The following HOOK3 variants were observed in gnomAD, a reference collection of about 807,000 sequenced individuals.
The protein encoded by HOOK3 is hook microtubule tethering protein 3.
Under a neutral mutation model 116.3 loss-of-function variants are expected in HOOK3, and 24 were observed. The observed-to-expected ratio is 0.21, with a 90% CI of 0.15 to 0.29. HOOK3 has a LOEUF of 0.29. HOOK3 is among the 10% of genes least tolerant of loss of function. The pLI is 1.00. For synonymous variants in HOOK3, 275 were observed against 283.0 expected (o/e 0.97, Z 0.28); for missense variants, 632 against 830.2 (o/e 0.76, Z 2.93).
At chr8:42,957,239 T>C (rs1808453449) in intron 7 of HOOK3, 83 bp downstream of exon 7, 1 of 688,716 alleles carries the variant, frequency 1.5e-6, no homozygotes, top group Admixed American at 3.1e-5. Flanking sequence ...TGGGTTAAAA[T>C]TGCTTTTTAT....
At chr8:42,992,524 T>A (rs1180774556) in intron 15 of HOOK3, among the ~76,000 whole-genome samples, 1 of 151,236 alleles carries the variant, frequency 6.6e-6, no homozygotes, top group Admixed American at 6.6e-5. Flanking sequence ...GAGACCATCC[T>A]GGCCAACATG....
chr8:42,909,294 A>G (rs1807376699), intron 2 of HOOK3, among the ~76,000 whole-genome samples: 1 of 152,244 alleles, frequency 6.6e-6, no homozygotes. Context: ...ACTTTTGTGT[A>G]TATAGCCAAA....
chr8:42,979,631 C>T (rs1032339290), intron 13 of HOOK3, among the ~76,000 whole-genome samples: 10 of 152,150 alleles, frequency 6.6e-5, no homozygotes, highest in African/African-American at 9.7e-5. Flanking sequence ...CTAGCCCTCT[C>T]TCTGTTTTCT....
At chr8:42,981,084 C>G (rs902516508) in intron 13 of HOOK3, among the ~76,000 whole-genome samples, 15 of 149,038 alleles carry the variant, frequency 1.0e-4, no homozygotes, top group Non-Finnish European at 1.9e-4. Flanking sequence ...TGAGGTCTCA[C>G]TCCTTTACCC....
chr8:43,010,445 A>T, intron 19 of HOOK3, 40 bp downstream of exon 19: 1 of 697,346 alleles, frequency 1.4e-6, no homozygotes, highest in East Asian at 3.7e-5. Context: ...CTACCTTCTG[A>T]TCACATTTCA....
At chr8:42,959,166 G>T in intron 7 of HOOK3, 65 bp from the exon 8 acceptor site, 1 of 1,055,478 alleles carries the variant, frequency 9.5e-7, no homozygotes, top group South Asian at 1.3e-5. Flanking sequence ...ATTCTGTGTT[G>T]AACATACGAA....
chr8:42,937,880 A>G (rs1399042442), intron 4 of HOOK3, among the ~76,000 whole-genome samples: 2 of 152,188 alleles, frequency 1.3e-5, no homozygotes, highest in African/African-American at 4.8e-5. Flanking sequence ...TTTGGGGTGG[A>G]GAGTTCTGTA....
intron 4 of HOOK3, among the ~76,000 whole-genome samples, chr8:42,942,331 T>C (rs78941035): frequency 0.016 from 2,499 of 152,292 alleles, 31 homozygotes; most frequent in Non-Finnish European, 0.022. Flanking sequence ...GTAGAATAAA[T>C]GTGCATTCAG....
In HOOK3 at chr8:42,917,337, A is replaced by C. The variant is rs551101829; in HGVS notation, c.144-8220A>C. ...TTATTTGGGATCTCATTACATAGGCATGATTGAAGTCATTGGTCATGTGAT... is the reference window on the plus strand; with the variant it reads ...TTATTTGGGATCTCATTACATAGGCCTGATTGAAGTCATTGGTCATGTGAT... On this transcript the variant is annotated intron_variant, in intron 2 of 21. Transcript: ENST00000307602. Among the ~76,000 whole-genome samples, 51 of 152,288 alleles carry C rather than the reference A, an allele frequency of 3.3e-4. No homozygotes were observed. The South Asian group carries it at 4.3e-3, about 13-fold the overall frequency.
Position 43,029,981 on chromosome 8 carries a change from G to C in HOOK3, c.*11483G>C, listed in dbSNP as rs1190404002. On this transcript the variant is annotated 3_prime_UTR_variant, in exon 22 of 22. Coordinates refer to ENST00000307602, the MANE Select transcript of HOOK3 (RefSeq NM_032410.4). The stretch of plus-strand genomic sequence containing the variant: ...GCTAGGTATATTCTTATTTCTGATT[G>C]AGTATTGAATTTACATTTTTCAGAA... 4.7e-6 allele frequency: 1 copy of C among 213,848 alleles called. No homozygotes were observed. Among genetic ancestry groups the C allele is most frequent in the African/African-American group, 2.3e-5 (1 of 44,246 alleles). 13.2% of individuals were successfully genotyped at this position (213,848 alleles called of 1,614,324 possible). A position where few individuals can be genotyped will look rare whatever the true frequency, so the allele number is the denominator to read the frequency against.
intron 4 of HOOK3, among the ~76,000 whole-genome samples, chr8:42,941,391 G>A (rs947427244): frequency 6.0e-5 from 9 of 150,900 alleles, no homozygotes; most frequent in Admixed American, 3.3e-4. Context: ...GGTGGTGGGC[G>A]CTTGTAGTCC....
chr8:42,971,273 T>C (rs531761635), intron 11 of HOOK3, among the ~76,000 whole-genome samples: 29 of 152,140 alleles, frequency 1.9e-4, no homozygotes, highest in Non-Finnish European at 3.2e-4. Flanking sequence ...TTGTTTTTGT[T>C]TTCTGGAGAC....
chr8:42,943,076 G>GTTTCGTTTTTTTCTT (rs562971317), intron 4 of HOOK3, among the ~76,000 whole-genome samples: 2 of 151,934 alleles, frequency 1.3e-5, no homozygotes, highest in African/African-American at 4.8e-5. Context: ...TTTTTTGTTT[G>GTTTCGTTTTTTTCTT]TTTTGTTTTT....
intron 8 of HOOK3, among the ~76,000 whole-genome samples, chr8:42,963,784 C>T (rs2130420081): frequency 6.6e-6 from 1 of 152,266 alleles, no homozygotes; most frequent in East Asian, 1.9e-4. Context: ...ATCTCTATAT[C>T]TTGTCTGGTG....
rs761993916 is a variant in HOOK3 at position 43,018,381 on chromosome 8, A to G, written c.2040A>G (p.Ala680=). 6.2e-7 allele frequency: 1 copy of G among 1,602,410 alleles called. No homozygotes were observed. The highest frequency in any genetic ancestry group is 1.8e-5 in the Admixed American group (1 of 56,042). Residue 680 remains alanine (A), a synonymous_variant, in exon 22 of 22, where the codon GCA becomes GCG. Transcript: ENST00000307602. ...AGGGAATGACCCTGCATAAAAAGGC[A>G]GCTGAAGATAGACTGGCAAGCACAG... ...YNMGMTLHKK[A]AEDRLASTGS...
rs1809942098 is a variant in HOOK3, at chr8:43,026,899, A to C, written c.*8401A>C. On this transcript the variant is annotated 3_prime_UTR_variant, in exon 22 of 22. Coordinates refer to ENST00000307602, the MANE Select transcript of HOOK3 (RefSeq NM_032410.4). Reference sequence around the variant, plus strand: ...TTCTTTTTTCTTTTTTTTTCTTTTGAGATGGAGTCTCACTCTGAGTCTCAC... The same window carrying C: ...TTCTTTTTTCTTTTTTTTTCTTTTGCGATGGAGTCTCACTCTGAGTCTCAC... 1 of 190,194 alleles carries C rather than the reference A, an allele frequency of 5.3e-6. No homozygotes were observed. The highest frequency in any genetic ancestry group is 1.1e-5 in the Non-Finnish European group (1 of 91,102). The allele number at this position is 190,194 out of a possible 1,614,324, so 11.8% of individuals were successfully genotyped here.
chr8:42,926,291 G>GT (rs1162979495), intron 3 of HOOK3, among the ~76,000 whole-genome samples: 5 of 151,940 alleles, frequency 3.3e-5, no homozygotes, highest in African/African-American at 9.7e-5. Context: ...TTTATGTTTT[G>GT]TTTTTTGTTT....
chr8:43,009,192 C>T (rs1201914803), intron 18 of HOOK3, among the ~76,000 whole-genome samples: 5 of 151,800 alleles, frequency 3.3e-5, no homozygotes, highest in Non-Finnish European at 7.4e-5. Flanking sequence ...ATTGCCTGAG[C>T]TCAGGAGTTT....
chr8:42,897,558 C>A (rs924106006), intron 1 of HOOK3, among the ~76,000 whole-genome samples: 2 of 152,220 alleles, frequency 1.3e-5, no homozygotes, highest in African/African-American at 4.8e-5. Context: ...GGCCCGGCTC[C>A]GGCCCGGGAA....
Sources: allele counts gnomAD v4.1 joint callset (sites outside exome capture counted in the v4.1 genomes callset), GRCh38; gene constraint gnomAD v4.1.1; transcripts MANE v1.5; gene names NCBI Gene and HGNC (gene_info 2026-07-23, HGNC 2026-07-21).